The following NUP155 variants were observed in gnomAD, a reference collection of about 807,000 sequenced individuals.
NUP155 encodes nucleoporin 155.
NUP155 carries 71 observed loss-of-function variants against 180.4 expected under a neutral mutation model. That is an observed-to-expected ratio of 0.39 (90% CI 0.33 to 0.48). NUP155 has a LOEUF of 0.48. NUP155 is among the 20% of genes least tolerant of loss of function. The probability of loss-of-function intolerance (pLI) is 0.91; values close to 1 mark genes in which losing one functional copy is unlikely to be tolerated. For missense variants in NUP155, 1,553 were observed against 1,648.9 expected (o/e 0.94, Z 1.01); for synonymous variants, 582 against 559.5 (o/e 1.04, Z -0.57).
chr5:37,370,709 G>C, intron 1 of NUP155, 112 bp downstream of exon 1: 1 of 1,611,066 alleles, frequency 6.2e-7, no homozygotes, highest in Non-Finnish European at 8.5e-7. Context: ...GCAGCCAACA[G>C]TGCCATAAAT....
At chr5:37,299,178 G>A (rs1742736363) in intron 31 of NUP155, among the ~76,000 whole-genome samples, 200 bp from the exon 32 acceptor site, 1 of 152,154 alleles carries the variant, frequency 6.6e-6, no homozygotes. Context: ...TAGATTCTGA[G>A]GTGAGTGTCT....
rs1483496308 is a variant in NUP155, at chr5:37,309,243, G to A, written c.2653C>T (p.Arg885Ter). Reference sequence around the variant, plus strand: ...TTTTCAGTCTTATTTTGAACTTGTCGGGAACGCTGGAGAAGCTCATTTGCC... The same window carrying A: ...TTTTCAGTCTTATTTTGAACTTGTCAGGAACGCTGGAGAAGCTCATTTGCC... ...SKANELLQRS[R>*]QVQNKTEKER... The change falls in exon 24 of 35, where the codon CGA (arginine) becomes TGA (stop). Residue 885 changes from arginine to a stop codon, truncating the protein, a stop_gained. Transcript: ENST00000231498. LOFTEE classifies it high-confidence loss of function. The A allele has an allele frequency of 3.1e-6, 5 of 1,612,000 alleles. No individual in the cohort carries two copies. Among genetic ancestry groups the A allele is most frequent in the Non-Finnish European group, 4.2e-6 (5 of 1,179,436 alleles).
intron 19 of NUP155, among the ~76,000 whole-genome samples, chr5:37,324,431 C>A (rs1744449170): frequency 6.6e-6 from 1 of 152,136 alleles, no homozygotes; most frequent in Non-Finnish European, 1.5e-5. Context: ...TTAGTCATCC[C>A]ACCTCTGAGG....
chr5:37,344,345 GAAAAA>G (rs537055020), intron 9 of NUP155, among the ~76,000 whole-genome samples: 1 of 54,132 alleles, frequency 1.8e-5, no homozygotes, highest in Non-Finnish European at 3.9e-5. Context: ...CTGTCTCAAA[GAAAAA>G]AAAAAAAAAA....
chr5:37,302,830 T>C lies in NUP155; in HGVS notation c.3396A>G (p.Ser1132=). 6.2e-7 allele frequency: 1 copy of C among 1,614,084 alleles called. No individual in the cohort carries two copies. The highest frequency in any genetic ancestry group is 8.5e-7 in the Non-Finnish European group (1 of 1,179,960). ...GAAATTCACCATCGGCAGCTATTGA[T>C]GAAATGGCAGTGGAACTTTTGGCAC... ...ILSAKSSTAI[S]SIAADGEFLH... The change falls in exon 29 of 35, where the codon TCA becomes TCG. Residue 1132 remains serine, a synonymous_variant. Coordinates refer to ENST00000231498, the MANE Select transcript of NUP155 (RefSeq NM_153485.3).
chr5:37,357,399 C>CAAATAAAAAA (rs1746899346), intron 4 of NUP155, among the ~76,000 whole-genome samples: 1 of 31,296 alleles, frequency 3.2e-5, no homozygotes, highest in Non-Finnish European at 5.2e-5. Flanking sequence ...ACCTTAATCT[C>CAAATAAAAAA]AAAAAAAAAA....
At chr5:37,292,258 C>T (rs1742275059) in intron 34 of NUP155, among the ~76,000 whole-genome samples, 1 of 151,028 alleles carries the variant, frequency 6.6e-6, no homozygotes, top group South Asian at 2.1e-4. Flanking sequence ...CTCTGTCACT[C>T]AGGCTGCAGT....
chr5:37,325,503 C>A (rs1315169999), intron 19 of NUP155, among the ~76,000 whole-genome samples: 2 of 152,002 alleles, frequency 1.3e-5, no homozygotes, highest in East Asian at 3.9e-4. Context: ...CGCTGAGGCC[C>A]CCTGCCTGTA....
Position 37,314,196 on chromosome 5 carries a change from A to T in NUP155, c.2436+2T>A. On this transcript the variant is annotated splice_donor_variant, in intron 22 of 34. Transcript: ENST00000231498. LOFTEE classifies it high-confidence loss of function. ...TAATCATAAAAAAATAAAAAAAATT[A>T]CCTTCTGAAGTTCTGCCACAATGAT... is the stretch of plus-strand genomic sequence containing the variant. 1 of 1,600,488 alleles carries T rather than the reference A, an allele frequency of 6.2e-7. No individual in the cohort carries two copies. Among genetic ancestry groups the T allele is most frequent in the Non-Finnish European group, 8.6e-7 (1 of 1,169,162 alleles).
At chr5:37,306,204 A>AAT in intron 25 of NUP155, among the ~76,000 whole-genome samples, 2 of 152,194 alleles carry the variant, frequency 1.3e-5, no homozygotes, top group East Asian at 3.9e-4. Context: ...CAGCCTGGGC[A>AAT]ATATAGTGAG....
chr5:37,356,427 G>A (rs1217473413), intron 4 of NUP155, among the ~76,000 whole-genome samples: 2 of 152,072 alleles, frequency 1.3e-5, no homozygotes, highest in Non-Finnish European at 2.9e-5. Context: ...AGGATCACCT[G>A]AGGTCAGGAG....
At chr5:37,323,243 C>G (rs1744365643) in intron 20 of NUP155, among the ~76,000 whole-genome samples, 3 of 152,198 alleles carry the variant, frequency 2.0e-5, no homozygotes, top group Non-Finnish European at 4.4e-5. Flanking sequence ...CAAGTTGGAG[C>G]CTTCGTACTC....
Position 37,341,109 on chromosome 5 carries a change from A to G in NUP155, c.1227T>C (p.His409=), listed in dbSNP as rs748128293. 1.9e-5 allele frequency: 30 copies of G among 1,612,792 alleles called. No individual in the cohort carries two copies. The highest frequency in any genetic ancestry group is 2.5e-5 in the Non-Finnish European group (30 of 1,178,932). The stretch of plus-strand genomic sequence containing the variant: ...ACTTACCTTTACTATAAAGAGCTCT[A>G]TGTACTTTTGAAGGCTTTTCCACGG... ...SSTVEKPSKV[H]RALYSKGILL... The change falls in exon 11 of 35, where the codon CAT becomes CAC. Residue 409 remains histidine (H), a synonymous_variant. Transcript: ENST00000231498.
At chr5:37,340,544 A>G (rs1026551500) in intron 11 of NUP155, among the ~76,000 whole-genome samples, 4 of 152,236 alleles carry the variant, frequency 2.6e-5, no homozygotes, top group African/African-American at 9.6e-5. Context: ...ATAAGGATGG[A>G]TAATATAGAC....
chr5:37,340,073 T>C (rs1291571675), intron 11 of NUP155, among the ~76,000 whole-genome samples: 2 of 152,190 alleles, frequency 1.3e-5, no homozygotes, highest in South Asian at 4.1e-4. Context: ...CTCACTTTTT[T>C]TGCAGAAATT....
At chr5:37,327,823 A>G in intron 17 of NUP155, 47 bp from the exon 18 acceptor site, 1 of 1,591,830 alleles carries the variant, frequency 6.3e-7, no homozygotes, top group Non-Finnish European at 8.6e-7. Context: ...TAATCTTAGA[A>G]CCCATAAATC....
At chr5:37,336,575 G>A (rs543403016) in intron 12 of NUP155, among the ~76,000 whole-genome samples, 3 of 152,082 alleles carry the variant, frequency 2.0e-5, no homozygotes, top group Non-Finnish European at 4.4e-5. Flanking sequence ...AACTATTATA[G>A]AGGAAGAAAC....
chr5:37,323,018 C>T (rs1286140853), intron 20 of NUP155, among the ~76,000 whole-genome samples: 1 of 151,862 alleles, frequency 6.6e-6, no homozygotes, highest in Non-Finnish European at 1.5e-5. Context: ...CATGGTGGCT[C>T]ACGCCTGTAA....
At chr5:37,353,227 C>T (rs10069026) in intron 4 of NUP155, among the ~76,000 whole-genome samples, 9,529 of 151,616 alleles carry the variant, frequency 0.063, 970 homozygotes, top group African/African-American at 0.21. Flanking sequence ...AAGTGTCCAT[C>T]GATAGATGCA....
Sources: allele counts gnomAD v4.1 joint callset (sites outside exome capture counted in the v4.1 genomes callset), GRCh38; gene constraint gnomAD v4.1.1; transcripts MANE v1.5; gene names NCBI Gene and HGNC (gene_info 2026-07-23, HGNC 2026-07-21).